PALLD: variants seen among roughly 807,000 people sequenced by gnomAD.
The protein encoded by PALLD is palladin.
In PALLD, 61 loss-of-function variants were observed where a neutral mutation model predicts 123.5. The ratio of observed to expected loss-of-function variants is 0.49; its 90% confidence interval spans 0.40 to 0.61. The LOEUF is 0.61. Ranked by LOEUF, PALLD falls within the 20% of genes least tolerant of loss-of-function variation. PALLD has a pLI of 0.00. For missense variants in PALLD, 1,273 were observed against 1,377.0 expected, an observed-to-expected ratio of 0.92 and a Z score of 1.20; for synonymous variants, 465 against 496.4, an observed-to-expected ratio of 0.94 and a Z score of 0.84.
intron 8 of PALLD, among the ~76,000 whole-genome samples, chr4:168,705,381 A>G (rs1784128578): frequency 6.6e-6 from 1 of 152,194 alleles, no homozygotes; most frequent in Non-Finnish European, 1.5e-5. Context: ...GATGACTATA[A>G]AAGCTTCTAG....
intron 10 of PALLD, among the ~76,000 whole-genome samples, chr4:168,847,266 G>C (rs1747000554): frequency 6.6e-6 from 1 of 152,168 alleles, no homozygotes; most frequent in African/African-American, 2.4e-5. Flanking sequence ...TGTACAGGCA[G>C]CTTTATTGCT....
At position 168,743,349 on chromosome 4, in the gene PALLD, G is replaced by A. The variant is rs143685390; in HGVS notation, c.1964+31426G>A. 2.1e-3 allele frequency among the ~76,000 whole-genome samples: 320 copies of A among 152,194 alleles called. 2 individuals are homozygous for A. In the Middle Eastern group the frequency reaches 0.024, roughly 11 times the overall value. ...GATATCTATGAAGATCTCAATCATG[G>A]TTTAATCCCCAGCAACTAGCACAGT... is the stretch of plus-strand genomic sequence containing the variant. On this transcript the variant is annotated intron_variant, in intron 10 of 21. Coordinates refer to ENST00000505667, the MANE Select transcript of PALLD (RefSeq NM_001166108.2).
intron 2 of PALLD, among the ~76,000 whole-genome samples, chr4:168,560,110 A>G (rs1767719349): frequency 6.6e-6 from 1 of 152,206 alleles, no homozygotes; most frequent in Admixed American, 6.5e-5. Context: ...GGGTGTAATG[A>G]TCAATGCAGC....
intron 10 of PALLD, among the ~76,000 whole-genome samples, chr4:168,888,960 G>C (rs1753750362): frequency 6.6e-6 from 1 of 152,102 alleles, no homozygotes; most frequent in South Asian, 2.1e-4. Context: ...AGGATCCTCA[G>C]AGTTTCTGCT....
intron 2 of PALLD, among the ~76,000 whole-genome samples, chr4:168,535,034 A>G (rs1764967851): frequency 6.6e-6 from 1 of 152,228 alleles, no homozygotes; most frequent in South Asian, 2.1e-4. Flanking sequence ...AATACAGTAT[A>G]ACAACTATTT....
chr4:168,559,770 C>T (rs959602547), intron 2 of PALLD, among the ~76,000 whole-genome samples: 2 of 151,902 alleles, frequency 1.3e-5, no homozygotes, highest in Non-Finnish European at 2.9e-5. Context: ...GGTAGTGTGC[C>T]TAGCTACTAC....
At chr4:168,878,376 C>A in intron 10 of PALLD, 1 of 1,507,776 alleles carries the variant, frequency 6.6e-7, no homozygotes, top group South Asian at 1.2e-5. Context: ...CTGGGGCTGC[C>A]CAAGGGTGTC....
At chr4:168,779,218 A>G (rs1462911572) in intron 10 of PALLD, among the ~76,000 whole-genome samples, 2 of 152,196 alleles carry the variant, frequency 1.3e-5, no homozygotes, top group Non-Finnish European at 2.9e-5. Flanking sequence ...ACTCAACATT[A>G]CTAATTACAT....
At position 168,597,777 on chromosome 4, in the gene PALLD, A is replaced by C. The variant is rs536956467; in HGVS notation, c.909-70413A>C. ...AAAAAAACTCTAAAACATTTATTTC[A>C]TATATGATCTGTAATATTTCAGGGA... On this transcript the variant is annotated intron_variant, in intron 2 of 21. Coordinates refer to ENST00000505667, the MANE Select transcript of PALLD (RefSeq NM_001166108.2). Among the ~76,000 whole-genome samples the C allele has an allele frequency of 2.0e-3, 310 of 152,276 alleles. 3 individuals carry two copies. The highest frequency in any genetic ancestry group is 7.1e-3 in the African/African-American group (294 of 41,570).
intron 2 of PALLD, among the ~76,000 whole-genome samples, chr4:168,579,724 A>G (rs1052345998): frequency 1.3e-5 from 2 of 152,108 alleles, no homozygotes; most frequent in African/African-American, 4.8e-5. Flanking sequence ...CTTATCTGAC[A>G]TGTAAGACAT....
At chr4:168,647,146 T>C (rs1449345110) in intron 2 of PALLD, among the ~76,000 whole-genome samples, 2 of 152,228 alleles carry the variant, frequency 1.3e-5, no homozygotes, top group Admixed American at 1.3e-4. Context: ...CCATCCACTA[T>C]GAAAGGGATC....
At chr4:168,837,232 C>T (rs1745330216) in intron 10 of PALLD, among the ~76,000 whole-genome samples, 1 of 152,142 alleles carries the variant, frequency 6.6e-6, no homozygotes, top group African/African-American at 2.4e-5. Context: ...ATGTCATCAC[C>T]TATGGGACCA....
intron 10 of PALLD, among the ~76,000 whole-genome samples, chr4:168,855,008 A>G (rs1400752125): frequency 6.6e-6 from 1 of 152,112 alleles, no homozygotes; most frequent in African/African-American, 2.4e-5. Flanking sequence ...GAAGGAGGCC[A>G]TGAAGAAGGA....
At chr4:168,606,506 C>A (rs963970354) in intron 2 of PALLD, among the ~76,000 whole-genome samples, 1 of 151,882 alleles carries the variant, frequency 6.6e-6, no homozygotes, top group African/African-American at 2.4e-5. Context: ...AACCCCGTCT[C>A]TACTAAAAAT....
At chr4:168,505,351 C>A (rs1249348690) in intron 1 of PALLD, among the ~76,000 whole-genome samples, 1 of 152,184 alleles carries the variant, frequency 6.6e-6, no homozygotes, top group East Asian at 1.9e-4. Context: ...AGATAATCTG[C>A]CTCCAGCAAA....
chr4:168,922,028 T>C (rs901501857), intron 18 of PALLD, among the ~76,000 whole-genome samples: 2 of 151,170 alleles, frequency 1.3e-5, no homozygotes, highest in African/African-American at 2.4e-5. Flanking sequence ...AGAGAAATAG[T>C]AACAGCAGCA....
chr4:168,715,502 G>A (rs188641187), intron 10 of PALLD, among the ~76,000 whole-genome samples: 2 of 152,260 alleles, frequency 1.3e-5, no homozygotes, highest in African/African-American at 4.8e-5. Flanking sequence ...AATCTTAACA[G>A]GAGGAAAAAG....
At chr4:168,504,752 G>A (rs1761828362) in intron 1 of PALLD, 1 of 152,232 alleles carries the variant, frequency 6.6e-6, no homozygotes, top group African/African-American at 2.4e-5. Flanking sequence ...AGAAAAGTGA[G>A]GAGGCAGGGG....
intron 2 of PALLD, among the ~76,000 whole-genome samples, chr4:168,516,595 A>G (rs1369411763): frequency 6.6e-6 from 1 of 152,202 alleles, no homozygotes; most frequent in Non-Finnish European, 1.5e-5. Context: ...TGATGTGCCT[A>G]GTAATACAAA....
Sources: allele counts gnomAD v4.1 joint callset (sites outside exome capture counted in the v4.1 genomes callset), GRCh38; gene constraint gnomAD v4.1.1; transcripts MANE v1.5; gene names NCBI Gene and HGNC (gene_info 2026-07-23, HGNC 2026-07-21).